Variants in SOX5 observed in about 807,000 individuals in gnomAD.
The protein encoded by SOX5 is SRY-box transcription factor 5, also known as transcription factor SOX-5.
SOX5 carries 9 observed loss-of-function variants against 92.0 expected under a neutral mutation model. The ratio of observed to expected loss-of-function variants is 0.10; its 90% confidence interval spans 0.06 to 0.17. The LOEUF (loss-of-function observed/expected upper bound fraction) is 0.17. Among genes scored for constraint, SOX5 ranks in the 10% least tolerant of loss-of-function variants. The probability of loss-of-function intolerance (pLI) is 1.00; values close to 1 mark genes in which losing one functional copy is unlikely to be tolerated. For synonymous variants in SOX5, 344 were observed against 336.3 expected (o/e 1.02, Z -0.25); for missense variants, 642 against 944.5 (o/e 0.68, Z 4.20).
chr12:23,727,823 T>C (rs1434829025), intron 6 of SOX5, among the ~76,000 whole-genome samples: 4 of 151,992 alleles, frequency 2.6e-5, no homozygotes, highest in African/African-American at 9.7e-5. Context: ...AAGAGTAAAG[T>C]ATAGAGAACT....
chr12:23,646,392 C>T (rs978144433), intron 7 of SOX5, among the ~76,000 whole-genome samples: 1 of 152,144 alleles, frequency 6.6e-6, no homozygotes, highest in Non-Finnish European at 1.5e-5. Context: ...GACTTGAACT[C>T]CTGGGCTCAA....
At chr12:23,895,208 C>CAAAA (rs33970684) in intron 2 of SOX5, among the ~76,000 whole-genome samples, 34 of 91,208 alleles carry the variant, frequency 3.7e-4, no homozygotes, top group African/African-American at 7.9e-4. Context: ...GAATAGGATG[C>CAAAA]AAAAAAAAAA....
chr12:23,798,067 T>A (rs983345964), intron 3 of SOX5, among the ~76,000 whole-genome samples: 1 of 152,100 alleles, frequency 6.6e-6, no homozygotes, highest in African/African-American at 2.4e-5. Flanking sequence ...TACATTTATC[T>A]TTTCCTATCA....
chr12:24,336,605 G>A (rs1465708274), intron 2 of SOX5, among the ~76,000 whole-genome samples: 1 of 152,026 alleles, frequency 6.6e-6, no homozygotes, highest in Non-Finnish European at 1.5e-5. Flanking sequence ...AAACATTTAA[G>A]AAATTTTCAT....
At chr12:24,260,478 T>C (rs780061542) in intron 3 of SOX5, among the ~76,000 whole-genome samples, 6 of 152,230 alleles carry the variant, frequency 3.9e-5, no homozygotes, top group Non-Finnish European at 4.4e-5. Context: ...ATCATTATTA[T>C]TACAATATAC....
chr12:24,304,889 C>T (rs1948399363), intron 2 of SOX5, among the ~76,000 whole-genome samples: 1 of 152,166 alleles, frequency 6.6e-6, no homozygotes, highest in Non-Finnish European at 1.5e-5. Context: ...GACTCTACCT[C>T]CTGCCTTCCA....
At chr12:24,008,041 C>G (rs2136478189) in intron 4 of SOX5, among the ~76,000 whole-genome samples, 2 of 151,684 alleles carry the variant, frequency 1.3e-5, no homozygotes, top group South Asian at 4.2e-4. Context: ...CTCAATAAAC[C>G]AGAAACGTCT....
At chr12:23,538,926 G>C (rs1453283723) in intron 13 of SOX5, among the ~76,000 whole-genome samples, 5 of 150,066 alleles carry the variant, frequency 3.3e-5, no homozygotes, top group Non-Finnish European at 5.9e-5. Context: ...TCAGCCTCCC[G>C]AGTAGCTGGG....
At chr12:24,065,292 A>T (rs372202460) in intron 4 of SOX5, among the ~76,000 whole-genome samples, 1 of 152,198 alleles carries the variant, frequency 6.6e-6, no homozygotes, top group Non-Finnish European at 1.5e-5. Flanking sequence ...AGAGAGGCAC[A>T]TGGAGCTGGA....
At chr12:23,904,191 A>G (rs2097266594) in intron 1 of SOX5, among the ~76,000 whole-genome samples, 1 of 152,144 alleles carries the variant, frequency 6.6e-6, no homozygotes. Context: ...CTTTAAATAG[A>G]AGATTTATTT....
chr12:24,327,067 T>G (rs1341163607), intron 2 of SOX5, among the ~76,000 whole-genome samples: 1 of 152,118 alleles, frequency 6.6e-6, no homozygotes, highest in African/African-American at 2.4e-5. Flanking sequence ...GCATAGCATT[T>G]GGGAAAAAAA....
intron 4 of SOX5, among the ~76,000 whole-genome samples, chr12:24,016,971 A>G (rs1409850321): frequency 2.6e-5 from 4 of 152,202 alleles, no homozygotes; most frequent in Non-Finnish European, 5.9e-5. Context: ...TCTCATCCAA[A>G]GAATTCACTG....
chr12:24,429,629 C>T (rs1158260171), intron 1 of SOX5, among the ~76,000 whole-genome samples: 3 of 149,718 alleles, frequency 2.0e-5, no homozygotes, highest in South Asian at 4.2e-4. Context: ...CACACATACA[C>T]ACACACACAC....
chr12:23,613,551 A>G (rs1566340641), intron 8 of SOX5, among the ~76,000 whole-genome samples: 1 of 152,220 alleles, frequency 6.6e-6, no homozygotes, highest in Non-Finnish European at 1.5e-5. Flanking sequence ...TCAAAAAGAT[A>G]TCTGTACACC....
intron 1 of SOX5, among the ~76,000 whole-genome samples, chr12:24,534,250 C>G (rs1363441727): frequency 1.3e-5 from 2 of 150,562 alleles, no homozygotes; most frequent in African/African-American, 2.4e-5. Flanking sequence ...CATGTTATTT[C>G]TTTTCTTTGC....
chr12:24,424,497 G>A (rs985769216), intron 1 of SOX5, among the ~76,000 whole-genome samples: 2 of 151,550 alleles, frequency 1.3e-5, no homozygotes, highest in African/African-American at 2.4e-5. Flanking sequence ...CTTTTCCCCC[G>A]CAGGCTGCTA....
At chr12:23,653,693 G>A (rs547833540) in intron 7 of SOX5, among the ~76,000 whole-genome samples, 2 of 152,222 alleles carry the variant, frequency 1.3e-5, no homozygotes, top group East Asian at 3.9e-4. Context: ...TCCTCACACT[G>A]TAGAAGGAGC....
intron 1 of SOX5, among the ~76,000 whole-genome samples, chr12:23,948,900 G>T (rs1187711983): frequency 2.0e-5 from 3 of 152,120 alleles, no homozygotes; most frequent in Non-Finnish European, 4.4e-5. Flanking sequence ...TTAAAATTCA[G>T]TCAAGACAGC....
At chr12:24,115,264 C>T (rs565837403) in intron 4 of SOX5, among the ~76,000 whole-genome samples, 2 of 152,184 alleles carry the variant, frequency 1.3e-5, no homozygotes, top group East Asian at 1.9e-4. Context: ...AACAAAATAC[C>T]GATTAGAGAA....
Sources: gnomAD v4.1 joint callset for allele counts (sites outside exome capture counted in the v4.1 genomes callset) on GRCh38, gnomAD v4.1.1 for gene constraint, MANE v1.5 for transcripts, NCBI Gene and HGNC (gene_info 2026-07-23, HGNC 2026-07-21) for gene names.